ARHGAP17: variants seen among roughly 807,000 people sequenced by gnomAD.
ARHGAP17 encodes Rho GTPase activating protein 17.
In ARHGAP17, 57 loss-of-function variants were observed where a neutral mutation model predicts 99.5. The observed-to-expected ratio is 0.57, with a 90% CI of 0.46 to 0.71. The LOEUF (loss-of-function observed/expected upper bound fraction) is 0.71, where lower values mean the gene tolerates loss of function less well. Ranked by LOEUF, ARHGAP17 falls within the 30% of genes least tolerant of loss-of-function variation. The pLI, the probability that ARHGAP17 is intolerant of heterozygous loss-of-function variation, is 0.00. For missense variants in ARHGAP17, 1,000 were observed against 1,122.4 expected, an observed-to-expected ratio of 0.89 and a Z score of 1.56; for synonymous variants, 417 against 429.6, an observed-to-expected ratio of 0.97 and a Z score of 0.36.
intron 1 of ARHGAP17, among the ~76,000 whole-genome samples, chr16:24,983,688 A>G (rs576934192): frequency 6.6e-6 from 1 of 152,268 alleles, no homozygotes; most frequent in African/African-American, 2.4e-5. Context: ...TTTGTGTCCA[A>G]CGTTCTGGGC....
intron 15 of ARHGAP17, 54 bp downstream of exon 15, chr16:24,943,717 T>G: frequency 6.6e-7 from 1 of 1,506,632 alleles, no homozygotes; most frequent in Non-Finnish European, 9.2e-7. Flanking sequence ...AAGAAGACTT[T>G]TTGTACGATT....
At chr16:24,960,990 G>A (rs890588931) in intron 7 of ARHGAP17, among the ~76,000 whole-genome samples, 2 of 151,988 alleles carry the variant, frequency 1.3e-5, no homozygotes, top group Admixed American at 1.3e-4. Context: ...TCCTGTCTCA[G>A]CCACCCTAGT....
chr16:24,977,338 A>G lies in ARHGAP17; in HGVS notation c.94-19T>C, dbSNP rs779586817. 3.9e-6 allele frequency: 6 copies of G among 1,556,078 alleles called. No homozygotes were observed. The highest frequency in any genetic ancestry group is 5.3e-6 in the Non-Finnish European group (6 of 1,141,848). On this transcript the variant is annotated intron_variant, in intron 2 of 19. Transcript: ENST00000289968. ...TCTCAATCTGACAAGGCAGAGACAA[A>G]AGAGAACAAATTCATCCTCTTTCTT...
intron 3 of ARHGAP17, among the ~76,000 whole-genome samples, chr16:24,976,679 C>T (rs1401344216): frequency 6.6e-6 from 1 of 152,170 alleles, no homozygotes; most frequent in Non-Finnish European, 1.5e-5. Flanking sequence ...ACTGGCCACA[C>T]TCAAGGAACA....
chr16:24,987,213 TG>T (rs1286319959), intron 1 of ARHGAP17, among the ~76,000 whole-genome samples: 6 of 152,250 alleles, frequency 3.9e-5, no homozygotes, highest in African/African-American at 1.4e-4. Flanking sequence ...CGGACCTGGC[TG>T]TGCCCCAATA....
In ARHGAP17 at chr16:24,954,116, T is replaced by C. The variant is rs1256076148; in HGVS notation, c.852+487A>G. Reference sequence around the variant, plus strand: ...CTCCCTGCATGCTGACTTCCTTATTTATACAAGAAGAGTAATAAAAACTCC... The same window carrying C: ...CTCCCTGCATGCTGACTTCCTTATTCATACAAGAAGAGTAATAAAAACTCC... On this transcript the variant is annotated intron_variant, in intron 10 of 19. Transcript: ENST00000289968. Among the ~76,000 whole-genome samples the C allele has an allele frequency of 2.6e-5, 4 of 152,354 alleles. No homozygotes were observed. The East Asian group carries it at 5.8e-4, about 22-fold the overall frequency.
At chr16:24,977,024 G>C (rs1047353827) in intron 3 of ARHGAP17, among the ~76,000 whole-genome samples, 191 bp downstream of exon 3, 1 of 152,250 alleles carries the variant, frequency 6.6e-6, no homozygotes, top group African/African-American at 2.4e-5. Context: ...CGTGTAAGGA[G>C]GGCTTCCAGC....
intron 1 of ARHGAP17, among the ~76,000 whole-genome samples, chr16:24,981,739 T>C (rs780301469): frequency 1.4e-4 from 21 of 152,184 alleles, no homozygotes; most frequent in Non-Finnish European, 2.6e-4. Context: ...AAAAATAGCA[T>C]GTTACTTACA....
chr16:24,970,712 C>A, intron 3 of ARHGAP17, 132 bp from the exon 4 acceptor site: 1 of 778,226 alleles, frequency 1.3e-6, no homozygotes. Context: ...TGTCTGGGTT[C>A]AGGTTCTGGT....
chr16:24,932,625 A>G (rs1231056974), intron 18 of ARHGAP17, among the ~76,000 whole-genome samples: 1 of 152,128 alleles, frequency 6.6e-6, no homozygotes, highest in Non-Finnish European at 1.5e-5. Flanking sequence ...GAGTTAATAG[A>G]TATGTCCTGG....
intron 19 of ARHGAP17, among the ~76,000 whole-genome samples, chr16:24,927,907 G>A (rs559657310): frequency 6.6e-6 from 1 of 152,298 alleles, no homozygotes; most frequent in Non-Finnish European, 1.5e-5. Context: ...TCCAGTGCTG[G>A]TGCTGAGCTG....
intron 6 of ARHGAP17, among the ~76,000 whole-genome samples, chr16:24,967,391 C>G (rs1374585840): frequency 1.3e-5 from 2 of 152,212 alleles, no homozygotes; most frequent in Non-Finnish European, 2.9e-5. Flanking sequence ...TACTATCCAG[C>G]CCTTTACAGA....
chr16:24,980,933 A>G, intron 1 of ARHGAP17, among the ~76,000 whole-genome samples: 1 of 152,116 alleles, frequency 6.6e-6, no homozygotes, highest in Non-Finnish European at 1.5e-5. Context: ...GCCTATTAAA[A>G]TTTTCACAAG....
intron 1 of ARHGAP17, among the ~76,000 whole-genome samples, chr16:24,997,179 C>T (rs1274048969): frequency 6.6e-6 from 1 of 151,694 alleles, no homozygotes; most frequent in Non-Finnish European, 1.5e-5. Flanking sequence ...TATTCTCTGT[C>T]ATTAGCACAT....
intron 1 of ARHGAP17, among the ~76,000 whole-genome samples, chr16:24,991,238 A>G (rs546416804): frequency 6.6e-6 from 1 of 152,348 alleles, no homozygotes; most frequent in African/African-American, 2.4e-5. Context: ...TAACCATAAA[A>G]TTATAATAAT....
chr16:24,988,288 G>A (rs905668571), intron 1 of ARHGAP17, among the ~76,000 whole-genome samples: 3 of 152,152 alleles, frequency 2.0e-5, no homozygotes, highest in African/African-American at 4.8e-5. Context: ...CTGCCACAAA[G>A]CAGTTTAAAA....
chr16:24,939,455 G>C lies in ARHGAP17; in HGVS notation c.1633C>G (p.Gln545Glu), dbSNP rs757927930. 1.3e-5 allele frequency: 21 copies of C among 1,611,634 alleles called. No individual in the cohort carries two copies. The highest frequency in any genetic ancestry group is 1.8e-5 in the Non-Finnish European group (21 of 1,179,438). The change falls in exon 17 of 20, where the codon CAG becomes GAG. Residue 545 changes from glutamine to glutamate, a missense_variant. Physicochemically the swap from Gln to Glu is conservative, Grantham distance 29. Around this residue, in one of 2 missense-constraint regions of ARHGAP17, gnomAD observed 528 missense variants for 511.4 expected, o/e 1.03. Coordinates refer to ENST00000289968, the MANE Select transcript of ARHGAP17 (RefSeq NM_001006634.3). ...VVPAGPEPPP[Q>E]SSRAESSSGG... ...GAGCTGCTTTCAGCCCTAGAGCTCT[G>C]GGGAGGGGGCTCTGGGCCAGCGGGC...
intron 1 of ARHGAP17, among the ~76,000 whole-genome samples, chr16:24,994,057 T>C (rs16974281): frequency 0.05 from 7,621 of 152,162 alleles, 531 homozygotes; most frequent in African/African-American, 0.16. Flanking sequence ...AATTCTACAA[T>C]AAACACACGT....
chr16:24,941,687 A>G (rs143066971), intron 16 of ARHGAP17: 23 of 335,012 alleles, frequency 6.9e-5, no homozygotes, highest in Middle Eastern at 8.8e-4. Context: ...CCACTCACGT[A>G]CATCTGGGTC....
Sources: allele counts gnomAD v4.1 joint callset (sites outside exome capture counted in the v4.1 genomes callset), GRCh38; gene constraint gnomAD v4.1.1; regional missense constraint gnomAD v4.1.1; transcripts MANE v1.5; gene names NCBI Gene and HGNC (gene_info 2026-07-23, HGNC 2026-07-21).